The following CAST variants were observed in gnomAD, a reference collection of about 807,000 sequenced individuals.
The protein encoded by CAST is MIR583 host.
Under a neutral mutation model 119.6 loss-of-function variants are expected in CAST, and 76 were observed. That is an observed-to-expected ratio of 0.64 (90% CI 0.53 to 0.77). CAST has a LOEUF of 0.77. CAST is among the 30% of genes least tolerant of loss of function. CAST has a pLI of 0.00. For synonymous variants in CAST, 319 were observed against 331.6 expected (o/e 0.96, Z 0.41); for missense variants, 953 against 946.5 (o/e 1.01, Z -0.09).
At chr5:96,541,594 C>G (rs1437254114) in intron 1 of CAST, among the ~76,000 whole-genome samples, 1 of 152,164 alleles carries the variant, frequency 6.6e-6, no homozygotes, top group Non-Finnish European at 1.5e-5. Flanking sequence ...TTCACTGCCC[C>G]AAAAATCCAC....
At chr5:96,374,372 T>A in the CAST span, among the ~76,000 whole-genome samples, 1 of 152,088 alleles carries the variant, frequency 6.6e-6, no homozygotes, top group South Asian at 2.1e-4. Context: ...AAGAAAACCT[T>A]GATATGCCCA....
upstream of CAST, among the ~76,000 whole-genome samples, chr5:96,657,437 T>C (rs1433644689): frequency 1.3e-5 from 2 of 152,096 alleles, no homozygotes; most frequent in African/African-American, 4.8e-5. Flanking sequence ...CCTGGGAAAA[T>C]TTAGATGACA....
At chr5:96,582,027 A>G (rs1746779400) in intron 1 of CAST, among the ~76,000 whole-genome samples, 1 of 152,232 alleles carries the variant, frequency 6.6e-6, no homozygotes, top group South Asian at 2.1e-4. Flanking sequence ...AGGAATTAGT[A>G]AACTCTTTGC....
the CAST span, among the ~76,000 whole-genome samples, chr5:96,014,376 C>CT: frequency 7.9e-5 from 12 of 151,886 alleles, no homozygotes; most frequent in African/African-American, 2.2e-4. Flanking sequence ...CCTAAGTTAA[C>CT]TTTTTTTTAT....
chr5:96,648,717 CGTGTGT>C lies in CAST; in HGVS notation c.61-26800_61-26795del, dbSNP rs72068689. 1.7e-4 allele frequency among the ~76,000 whole-genome samples: 26 copies of C among 148,904 alleles called. No homozygotes were observed. In the East Asian group the frequency reaches 3.0e-3, roughly 17 times the overall value. Reference sequence around the variant, plus strand: ...GGGAGAAGTTTTATTTATATATATGCGTGTGTGTGTGTGTGTGTGTGTGTGTGGTGT... The same window carrying C: ...GGGAGAAGTTTTATTTATATATATGCGTGTGTGTGTGTGTGTGTGTGGTGT... On this transcript the variant is annotated intron_variant, in intron 1 of 11. Coordinates refer to the CAST transcript ENST00000505143.
the CAST span, among the ~76,000 whole-genome samples, chr5:96,519,018 G>A: frequency 1.3e-4 from 20 of 152,160 alleles, no homozygotes; most frequent in Middle Eastern, 6.8e-3. Flanking sequence ...CTGAGATCGC[G>A]CCACAGCCCT....
chr5:96,565,077 GGTGTGTGTGT>G (rs61240765), intron 1 of CAST, among the ~76,000 whole-genome samples: 4 of 148,642 alleles, frequency 2.7e-5, no homozygotes, highest in Non-Finnish European at 4.4e-5. Context: ...ACATGGGAAA[GGTGTGTGTGT>G]GTGTGTGTGT....
At chr5:96,109,221 G>C in the CAST span, among the ~76,000 whole-genome samples, 3 of 152,206 alleles carry the variant, frequency 2.0e-5, no homozygotes, top group Non-Finnish European at 2.9e-5. Context: ...GACCAGAGCT[G>C]TTCCTATTTG....
chr5:96,751,550 C>G (rs1378409700), intron 20 of CAST, among the ~76,000 whole-genome samples: 1 of 152,138 alleles, frequency 6.6e-6, no homozygotes. Flanking sequence ...GGATATGAGC[C>G]CTCCCCAGTT....
the CAST span, among the ~76,000 whole-genome samples, chr5:96,293,153 G>A: frequency 6.6e-6 from 1 of 152,290 alleles, no homozygotes; most frequent in African/African-American, 2.4e-5. Context: ...CTCCCCCAGA[G>A]GTGTACAAGG....
chr5:96,135,607 T>C, the CAST span, among the ~76,000 whole-genome samples: 3 of 152,152 alleles, frequency 2.0e-5, no homozygotes, highest in Admixed American at 6.5e-5. Flanking sequence ...AGATCTCAGA[T>C]CTATAGCCTG....
At chr5:96,694,400 G>A (rs867994951) in intron 2 of CAST, among the ~76,000 whole-genome samples, 1 of 152,200 alleles carries the variant, frequency 6.6e-6, no homozygotes, top group South Asian at 2.1e-4. Context: ...CACTTTGGGA[G>A]GCTGAGGCAG....
intron 3 of CAST, among the ~76,000 whole-genome samples, chr5:96,703,322 C>A (rs1466704414): frequency 6.6e-6 from 1 of 152,078 alleles, no homozygotes; most frequent in Non-Finnish European, 1.5e-5. Flanking sequence ...GGAGATAGAT[C>A]TCCTCCTCCC....
At chr5:96,588,196 C>CTTTTTTTTTTTTTTTTTTTTTTTTTTT (rs140665192) in intron 1 of CAST, among the ~76,000 whole-genome samples, 2 of 75,828 alleles carry the variant, frequency 2.6e-5, no homozygotes, top group Non-Finnish European at 2.2e-5. Context: ...TTCTTTCTTT[C>CTTTTTTTTTTTTTTTTTTTTTTTTTTT]TTTTTTTTTT....
chr5:96,198,867 A>G, the CAST span, among the ~76,000 whole-genome samples: 6,343 of 152,148 alleles, frequency 0.042, 472 homozygotes, highest in African/African-American at 0.15. Context: ...AGGATATTAC[A>G]TCATGGTTTC....
At chr5:96,163,114 G>A in the CAST span, among the ~76,000 whole-genome samples, 3 of 151,954 alleles carry the variant, frequency 2.0e-5, no homozygotes, top group Non-Finnish European at 2.9e-5. Context: ...AGCCAGTTTT[G>A]TTAGTTTCTG....
intron 16 of CAST, among the ~76,000 whole-genome samples, chr5:96,745,171 A>T (rs1377938848): frequency 6.6e-6 from 1 of 152,188 alleles, no homozygotes; most frequent in Non-Finnish European, 1.5e-5. Context: ...GTGCTGCTCC[A>T]TGACAGGATT....
the CAST span, among the ~76,000 whole-genome samples, chr5:96,345,927 A>G: frequency 8.0e-4 from 122 of 152,324 alleles, no homozygotes; most frequent in African/African-American, 2.9e-3. Context: ...GTGACATCCC[A>G]TCATGTTTAC....
chr5:96,306,152 G>A, the CAST span, among the ~76,000 whole-genome samples: 7 of 152,068 alleles, frequency 4.6e-5, no homozygotes, highest in African/African-American at 1.7e-4. Context: ...TCAGGGATTC[G>A]ACTTCTTCCT....
Sources: gnomAD v4.1 joint callset for allele counts (sites outside exome capture counted in the v4.1 genomes callset) on GRCh38, gnomAD v4.1.1 for gene constraint, MANE v1.5 for transcripts, NCBI Gene and HGNC (gene_info 2026-07-23, HGNC 2026-07-21) for gene names.